FCHSD2: variants seen among roughly 807,000 people sequenced by gnomAD.
The protein encoded by FCHSD2 is F-BAR and double SH3 domains protein 2.
Under a neutral mutation model 108.1 loss-of-function variants are expected in FCHSD2, and 38 were observed. That is an observed-to-expected ratio of 0.35 (90% CI 0.27 to 0.46). FCHSD2 has a LOEUF of 0.46. FCHSD2 is among the 20% of genes least tolerant of loss of function. FCHSD2 has a pLI of 1.00. For synonymous variants in FCHSD2, 279 were observed against 314.7 expected (o/e 0.89, Z 1.20); for missense variants, 751 against 897.8 (o/e 0.84, Z 2.09).
At chr11:73,048,287 G>A (rs1160928851) in intron 3 of FCHSD2, among the ~76,000 whole-genome samples, 2 of 152,086 alleles carry the variant, frequency 1.3e-5, no homozygotes, top group Admixed American at 6.6e-5. Flanking sequence ...ACACACATAT[G>A]GGACCCAAAA....
chr11:73,024,734 C>G (rs1483325572), intron 3 of FCHSD2, among the ~76,000 whole-genome samples: 1 of 152,046 alleles, frequency 6.6e-6, no homozygotes, highest in Non-Finnish European at 1.5e-5. Context: ...ATACTGCAAA[C>G]TACGCATCCC....
chr11:72,999,888 A>AAAC (rs1565361886), intron 5 of FCHSD2, among the ~76,000 whole-genome samples: 15 of 102,858 alleles, frequency 1.5e-4, no homozygotes, highest in African/African-American at 5.2e-4. Flanking sequence ...CACACACACA[A>AAAC]ACACACACAC....
intron 7 of FCHSD2, 61 bp downstream of exon 7, chr11:72,985,001 A>G (rs1385763464): frequency 1.4e-6 from 1 of 716,150 alleles, no homozygotes; most frequent in East Asian, 2.9e-5. Flanking sequence ...CAAAGATCCA[A>G]TTCTCTGTTT....
chr11:72,935,760 A>G (rs868335623), intron 8 of FCHSD2, among the ~76,000 whole-genome samples: 7 of 152,348 alleles, frequency 4.6e-5, no homozygotes, highest in African/African-American at 1.7e-4. Context: ...TGGTTGTTTT[A>G]TTTAAAAGCA....
chr11:73,081,749 G>A (rs939712080), intron 3 of FCHSD2, among the ~76,000 whole-genome samples: 7 of 152,036 alleles, frequency 4.6e-5, no homozygotes, highest in African/African-American at 1.7e-4. Flanking sequence ...TAGTGTACAT[G>A]TATGAAAGTG....
At chr11:72,921,986 C>T (rs1345437049) in intron 8 of FCHSD2, 36 bp from the exon 9 acceptor site, 2 of 1,495,826 alleles carry the variant, frequency 1.3e-6, no homozygotes, top group South Asian at 1.2e-5. Flanking sequence ...AAAAAAATTA[C>T]AGTAAAGCCT....
chr11:73,137,607 G>A (rs1399023559), intron 2 of FCHSD2, among the ~76,000 whole-genome samples: 1 of 152,208 alleles, frequency 6.6e-6, no homozygotes, highest in Non-Finnish European at 1.5e-5. Context: ...TCATCTGAGG[G>A]AGGATGCCAG....
intron 12 of FCHSD2, 77 bp downstream of exon 12, chr11:72,887,393 A>AG: frequency 1.1e-6 from 1 of 875,074 alleles, no homozygotes; most frequent in African/African-American, 1.7e-5. Context: ...GTAGAAACTC[A>AG]GTTTTAAAGA....
At chr11:73,098,726 G>C (rs995600997) in intron 2 of FCHSD2, among the ~76,000 whole-genome samples, 4 of 152,174 alleles carry the variant, frequency 2.6e-5, no homozygotes, top group African/African-American at 9.7e-5. Flanking sequence ...TACAAAAAAT[G>C]AAAGTGGATC....
At chr11:72,971,704 C>T (rs1378992001) in intron 8 of FCHSD2, among the ~76,000 whole-genome samples, 1 of 152,070 alleles carries the variant, frequency 6.6e-6, no homozygotes, top group Non-Finnish European at 1.5e-5. Context: ...GAGATTCTTC[C>T]CCAGAATCTC....
intron 12 of FCHSD2, among the ~76,000 whole-genome samples, chr11:72,881,567 A>T (rs1315367737): frequency 1.3e-5 from 2 of 152,224 alleles, no homozygotes; most frequent in Non-Finnish European, 2.9e-5. Context: ...AAATCAGTGT[A>T]TCAAAGTCAT....
chr11:73,112,698 G>A (rs574370270), intron 2 of FCHSD2, among the ~76,000 whole-genome samples: 78 of 152,274 alleles, frequency 5.1e-4, no homozygotes, highest in African/African-American at 1.9e-3. Flanking sequence ...GCCCAGGCTG[G>A]AGTGCAGTGG....
chr11:72,917,749 G>C (rs1210844723), intron 9 of FCHSD2, among the ~76,000 whole-genome samples: 3 of 152,188 alleles, frequency 2.0e-5, no homozygotes, highest in Admixed American at 2.0e-4. Flanking sequence ...TTAGCCAGGC[G>C]TGGTGGCATA....
chr11:72,909,333 A>G (rs1052564672), intron 9 of FCHSD2, among the ~76,000 whole-genome samples: 4 of 151,926 alleles, frequency 2.6e-5, no homozygotes. Flanking sequence ...TCGCTCACTC[A>G]ATGCTCAATG....
chr11:73,011,881 T>C (rs941192159), intron 4 of FCHSD2, among the ~76,000 whole-genome samples: 2 of 152,158 alleles, frequency 1.3e-5, no homozygotes, highest in Non-Finnish European at 2.9e-5. Flanking sequence ...GATGATCTAG[T>C]CAACATGTGA....
At chr11:73,029,770 A>T (rs2135449648) in intron 3 of FCHSD2, among the ~76,000 whole-genome samples, 1 of 152,192 alleles carries the variant, frequency 6.6e-6, no homozygotes, top group East Asian at 1.9e-4. Flanking sequence ...GAAAATTAGG[A>T]CATTGAAGGG....
At chr11:72,900,328 T>G in intron 10 of FCHSD2, 1 of 1,479,078 alleles carries the variant, frequency 6.8e-7, no homozygotes, top group Non-Finnish European at 9.1e-7. Flanking sequence ...GCTTTTAAAC[T>G]CTGCCCAGTA....
intron 2 of FCHSD2, among the ~76,000 whole-genome samples, chr11:73,109,697 CTT>C (rs1483766230): frequency 1.3e-5 from 2 of 152,228 alleles, no homozygotes; most frequent in Admixed American, 6.5e-5. Flanking sequence ...CTTTCTTTCT[CTT>C]GTCTGACTGC....
intron 8 of FCHSD2, among the ~76,000 whole-genome samples, chr11:72,928,537 C>A (rs540233680): frequency 2.0e-4 from 31 of 152,156 alleles, no homozygotes; most frequent in Non-Finnish European, 3.4e-4. Flanking sequence ...TTAACACAGG[C>A]AACTGACATT....
Sources: gnomAD v4.1 joint callset for allele counts (sites outside exome capture counted in the v4.1 genomes callset) on GRCh38, gnomAD v4.1.1 for gene constraint, MANE v1.5 for transcripts, NCBI Gene and HGNC (gene_info 2026-07-23, HGNC 2026-07-21) for gene names.